Variants in DIP2C observed in about 807,000 individuals in gnomAD.
DIP2C encodes the protein disco-interacting protein 2 homolog C.
In DIP2C, 33 loss-of-function variants were observed where a neutral mutation model predicts 192.4. That is an observed-to-expected ratio of 0.17 (90% CI 0.13 to 0.23). The LOEUF (loss-of-function observed/expected upper bound fraction) is 0.23, where lower values mean the gene tolerates loss of function less well. Ranked by LOEUF, DIP2C falls within the 10% of genes least tolerant of loss-of-function variation. The pLI is 1.00. For missense variants in DIP2C, 1,537 were observed against 2,110.1 expected (o/e 0.73, Z 5.32); for synonymous variants, 979 against 864.1 (o/e 1.13, Z -2.33).
intron 1 of DIP2C, among the ~76,000 whole-genome samples, chr10:537,306 CG>C (rs1169909629): frequency 1.3e-5 from 2 of 152,166 alleles, no homozygotes; most frequent in Admixed American, 6.5e-5. Flanking sequence ...TCTGTGATTT[CG>C]GGGTAAATGA....
intron 24 of DIP2C, among the ~76,000 whole-genome samples, chr10:355,814 C>A (rs1055980556): frequency 6.6e-6 from 1 of 152,154 alleles, no homozygotes; most frequent in African/African-American, 2.4e-5. Flanking sequence ...TGGTGACTCA[C>A]GCCTGTAATC....
At position 479,415 on chromosome 10, in the gene DIP2C, C is replaced by T. The variant is rs1030679776; in HGVS notation, c.158-6866G>A. ...ATGGCGCAATCTCCACTCACTGCAA[C>T]ATCTGCCTCCCAGGTTCAAGTGATT... On this transcript the variant is annotated intron_variant, in intron 2 of 36. Transcript: ENST00000280886. 2.8e-5 allele frequency among the ~76,000 whole-genome samples: 4 copies of T among 144,552 alleles called. No homozygotes were observed. In the East Asian group the frequency reaches 8.6e-4, roughly 31 times the overall value. The allele number at this position is 144,552 out of a possible 152,430, so 94.8% of individuals were successfully genotyped here.
At chr10:618,563 C>T (rs1853624155) in intron 1 of DIP2C, among the ~76,000 whole-genome samples, 2 of 147,034 alleles carry the variant, frequency 1.4e-5, no homozygotes, top group African/African-American at 5.3e-5. Flanking sequence ...GCTTTCACTC[C>T]ATCCCAAAGC....
chr10:417,620 GCGCCTGTC>G (rs1564684244), intron 6 of DIP2C, among the ~76,000 whole-genome samples: 3 of 149,610 alleles, frequency 2.0e-5, no homozygotes, highest in South Asian at 2.1e-4. Flanking sequence ...CTGTCTGCCT[GCGCCTGTC>G]AGGGCTCGGA....
chr10:484,965 AAAAACTAATTAATTCAAAC>A, intron 2 of DIP2C: 1 of 1,596,380 alleles, frequency 6.3e-7, no homozygotes, highest in Non-Finnish European at 8.5e-7. Flanking sequence ...CAAGTTGAAA[AAAAACTAATTAATTCAAAC>A]TTTAGTTTTT....
intron 14 of DIP2C, among the ~76,000 whole-genome samples, chr10:385,610 T>C (rs1372552223): frequency 6.6e-6 from 1 of 152,184 alleles, no homozygotes; most frequent in Non-Finnish European, 1.5e-5. Context: ...GGCAGATTAC[T>C]ACTTCTGACA....
intron 3 of DIP2C, among the ~76,000 whole-genome samples, chr10:470,667 C>A (rs1157979398): frequency 1.3e-5 from 2 of 152,308 alleles, no homozygotes; most frequent in East Asian, 1.9e-4. Context: ...AACACCCCTG[C>A]AGCATCGTGG....
intron 31 of DIP2C, among the ~76,000 whole-genome samples, chr10:325,964 T>C (rs1018347186): frequency 1.3e-5 from 2 of 152,112 alleles, no homozygotes; most frequent in Admixed American, 1.3e-4. Flanking sequence ...GACAGATTGT[T>C]AAGCTGAGGA....
At chr10:568,789 A>AAC (rs1849603015) in intron 1 of DIP2C, among the ~76,000 whole-genome samples, 1 of 140,546 alleles carries the variant, frequency 7.1e-6, no homozygotes, top group East Asian at 2.0e-4. Context: ...AAAAAAAAAA[A>AAC]AAAAAAAAAC....
intron 1 of DIP2C, among the ~76,000 whole-genome samples, chr10:654,844 C>A (rs1342050644): frequency 6.6e-6 from 1 of 152,172 alleles, no homozygotes; most frequent in Non-Finnish European, 1.5e-5. Flanking sequence ...CTACTATGAT[C>A]GGTTTGTTCT....
chr10:571,503 C>CA (rs1849811719), intron 1 of DIP2C, among the ~76,000 whole-genome samples: 2 of 151,756 alleles, frequency 1.3e-5, no homozygotes, highest in Non-Finnish European at 1.5e-5. Context: ...CTCCCCCTTT[C>CA]ACTTCCCTTC....
In DIP2C at chr10:439,088, C is replaced by T. The variant is rs902980981; in HGVS notation, c.394+1783G>A. Among the ~76,000 whole-genome samples the T allele has an allele frequency of 3.9e-5, 6 of 152,140 alleles. No homozygotes were observed. The South Asian group carries it at 8.3e-4, about 21-fold the overall frequency. On this transcript the variant is annotated intron_variant, in intron 4 of 36. Coordinates refer to ENST00000280886, the MANE Select transcript of DIP2C (RefSeq NM_014974.3). Reference sequence around the variant, plus strand: ...CTTGAACTCTTGGGCTCAAGCCATACGCCTGCCCTGGACTCCCAAAGTGCA... The same window carrying T: ...CTTGAACTCTTGGGCTCAAGCCATATGCCTGCCCTGGACTCCCAAAGTGCA...
intron 1 of DIP2C, among the ~76,000 whole-genome samples, chr10:517,738 A>ACAAGTATG (rs1846449729): frequency 6.6e-6 from 1 of 152,182 alleles, no homozygotes; most frequent in Non-Finnish European, 1.5e-5. Flanking sequence ...GCTTACAAAC[A>ACAAGTATG]CAAGTATGTT....
chr10:308,833 C>T (rs528510791), intron 32 of DIP2C, among the ~76,000 whole-genome samples: 1 of 152,328 alleles, frequency 6.6e-6, no homozygotes, highest in Admixed American at 6.5e-5. Flanking sequence ...CGAGTGTGAA[C>T]CGTCAGGGCG....
intron 2 of DIP2C, among the ~76,000 whole-genome samples, chr10:478,644 C>T (rs908106220): frequency 3.4e-5 from 5 of 147,408 alleles, no homozygotes; most frequent in Non-Finnish European, 7.4e-5. Flanking sequence ...CTCAACTCAT[C>T]CCGTGTCTGG....
At chr10:508,713 T>G (rs973103730) in intron 1 of DIP2C, among the ~76,000 whole-genome samples, 2 of 151,442 alleles carry the variant, frequency 1.3e-5, no homozygotes, top group Non-Finnish European at 2.9e-5. Context: ...CCTCCCATGT[T>G]TGCTTGCTGC....
At chr10:557,832 A>AGGCAGGAAGTGGGAGGGGGCAGG (rs1848980979) in intron 1 of DIP2C, among the ~76,000 whole-genome samples, 1 of 40,444 alleles carries the variant, frequency 2.5e-5, no homozygotes, top group African/African-American at 2.4e-4. Context: ...GCAGGAAGGC[A>AGGCAGGAAGTGGGAGGGGGCAGG]GGCAGGCAGG....
At chr10:390,145 T>G in intron 12 of DIP2C, 52 bp from the exon 13 acceptor site, 3 of 1,596,810 alleles carry the variant, frequency 1.9e-6, no homozygotes, top group Non-Finnish European at 2.6e-6. Flanking sequence ...CACGGCAGTT[T>G]TTCTGGTTAC....
intron 1 of DIP2C, among the ~76,000 whole-genome samples, chr10:557,519 C>A (rs981325031): frequency 2.0e-5 from 3 of 151,148 alleles, no homozygotes; most frequent in Non-Finnish European, 2.9e-5. Flanking sequence ...TCTGTTCCCA[C>A]GACATCACGT....
Sources: allele counts gnomAD v4.1 joint callset (sites outside exome capture counted in the v4.1 genomes callset), GRCh38; gene constraint gnomAD v4.1.1; transcripts MANE v1.5; gene names NCBI Gene and HGNC (gene_info 2026-07-23, HGNC 2026-07-21).